Variants in PID1 observed in about 807,000 individuals in gnomAD.
PID1 encodes PTB-containing, cubilin and LRP1-interacting protein.
Under a neutral mutation model 19.1 loss-of-function variants are expected in PID1, and 10 were observed. That is an observed-to-expected ratio of 0.52 (90% CI 0.32 to 0.89). PID1 has a LOEUF of 0.89. Among genes scored for constraint, PID1 ranks in the 40% least tolerant of loss-of-function variants. The pLI is 0.03. For missense variants in PID1, 248 were observed against 285.3 expected, an observed-to-expected ratio of 0.87 and a Z score of 0.94; for synonymous variants, 130 against 116.0, an observed-to-expected ratio of 1.12 and a Z score of -0.78.
chr2:229,209,735 CAAATG>C (rs1320055591), intron 1 of PID1, among the ~76,000 whole-genome samples: 1 of 152,186 alleles, frequency 6.6e-6, no homozygotes, highest in African/African-American at 2.4e-5. Context: ...GCCCTTACTT[CAAATG>C]TAAGTGGAAT....
intron 2 of PID1, among the ~76,000 whole-genome samples, chr2:229,133,083 C>T (rs775067344): frequency 7.2e-5 from 11 of 152,078 alleles, no homozygotes; most frequent in Non-Finnish European, 1.3e-4. Context: ...TACCTGGAGA[C>T]GGATTTATTT....
chr2:229,166,604 C>T (rs764994601), intron 1 of PID1, among the ~76,000 whole-genome samples: 11 of 152,108 alleles, frequency 7.2e-5, no homozygotes, highest in East Asian at 1.9e-4. Context: ...CTAAGAGATT[C>T]CCAAGTAAAA....
chr2:229,197,066 G>A lies in PID1; in HGVS notation c.31-41102C>T, dbSNP rs572424539. Among the ~76,000 whole-genome samples, 129 of 152,086 alleles carry A rather than the reference G, an allele frequency of 8.5e-4. No homozygotes were observed. In the Middle Eastern group the frequency reaches 0.01, roughly 12 times the overall value. On this transcript the variant is annotated intron_variant, in intron 1 of 2. Coordinates refer to ENST00000392055, the MANE Select transcript of PID1 (RefSeq NM_001100818.2). The stretch of plus-strand genomic sequence containing the variant: ...AAAATTTTCAATTAAACTGTAACAA[G>A]CATGCCCTTTTATGCCCCAGATAAC...
intron 1 of PID1, among the ~76,000 whole-genome samples, chr2:229,183,515 T>C (rs1269564364): frequency 6.6e-6 from 1 of 152,162 alleles, no homozygotes; most frequent in Non-Finnish European, 1.5e-5. Flanking sequence ...TCTCCTAATG[T>C]AGGTGGGATT....
At chr2:229,239,341 G>GA (rs1420102363) in intron 1 of PID1, among the ~76,000 whole-genome samples, 1 of 152,076 alleles carries the variant, frequency 6.6e-6, no homozygotes, top group Admixed American at 6.6e-5. Context: ...GGTTGAGAGG[G>GA]AAAAGAGACT....
chr2:229,172,189 C>T (rs559608265), intron 1 of PID1, among the ~76,000 whole-genome samples: 10 of 152,302 alleles, frequency 6.6e-5, no homozygotes, highest in Admixed American at 3.3e-4. Flanking sequence ...AAGGTCCAAA[C>T]ATCTGAAGAA....
intron 2 of PID1, among the ~76,000 whole-genome samples, chr2:229,125,405 C>G (rs1002515031): frequency 4.2e-5 from 6 of 144,356 alleles, no homozygotes; most frequent in African/African-American, 1.5e-4. Flanking sequence ...TTCAAGTAGC[C>G]AAAAAAAAAA....
At chr2:229,035,824 G>A (rs1275535208) in intron 2 of PID1, among the ~76,000 whole-genome samples, 3 of 152,100 alleles carry the variant, frequency 2.0e-5, no homozygotes, top group Non-Finnish European at 4.4e-5. Flanking sequence ...AAAGCAATAG[G>A]CACCCTACCA....
At chr2:229,262,808 C>T (rs1160764425) in intron 1 of PID1, 2 of 1,551,236 alleles carry the variant, frequency 1.3e-6, no homozygotes, top group African/African-American at 2.7e-5. Context: ...CTTGGCATTC[C>T]TTGGCTTATG....
rs75700589 is a variant in PID1 at position 229,162,723 on chromosome 2, T to C, written c.31-6759A>G. Among the ~76,000 whole-genome samples the C allele has an allele frequency of 1.9e-4, 29 of 152,318 alleles. No individual in the cohort carries two copies. The East Asian group carries it at 5.6e-3, about 29-fold the overall frequency. On this transcript the variant is annotated intron_variant, in intron 1 of 2. Transcript: ENST00000392055. The stretch of plus-strand genomic sequence containing the variant: ...TTATAATCATGCTTCATTTTATTAC[T>C]TTGGGGATTCGAAAGGATTAATGGA...
intron 1 of PID1, among the ~76,000 whole-genome samples, chr2:229,185,460 C>G (rs1373601203): frequency 6.6e-6 from 1 of 152,050 alleles, no homozygotes; most frequent in Non-Finnish European, 1.5e-5. Context: ...AAAGACATAC[C>G]CAAGACTGGA....
chr2:229,234,729 T>A (rs749490380), intron 1 of PID1, among the ~76,000 whole-genome samples: 1 of 152,142 alleles, frequency 6.6e-6, no homozygotes, highest in African/African-American at 2.4e-5. Flanking sequence ...AATATACCCA[T>A]CTCTTTAACT....
chr2:229,166,645 C>A (rs910835752), intron 1 of PID1, among the ~76,000 whole-genome samples: 5 of 152,144 alleles, frequency 3.3e-5, no homozygotes, highest in African/African-American at 9.7e-5. Flanking sequence ...AATCTCCATG[C>A]TGACTTTGAA....
chr2:229,069,139 G>GTT (rs71412190), intron 2 of PID1, among the ~76,000 whole-genome samples: 1 of 144,002 alleles, frequency 6.9e-6, no homozygotes, highest in African/African-American at 2.6e-5. Context: ...AACGAGAAGG[G>GTT]TTTTTGTGTG....
intron 2 of PID1, among the ~76,000 whole-genome samples, chr2:229,134,436 G>T (rs1390679266): frequency 6.6e-6 from 1 of 150,876 alleles, no homozygotes; most frequent in Non-Finnish European, 1.5e-5. Flanking sequence ...TAGAGACAGG[G>T]TTTCACTATG....
At chr2:229,055,459 A>G (rs552004692) in intron 2 of PID1, among the ~76,000 whole-genome samples, 4 of 152,328 alleles carry the variant, frequency 2.6e-5, no homozygotes, top group African/African-American at 9.6e-5. Context: ...TAAGCAGAGG[A>G]AAAAATACTG....
At chr2:229,115,516 A>G (rs180684570) in intron 2 of PID1, among the ~76,000 whole-genome samples, 7 of 152,268 alleles carry the variant, frequency 4.6e-5, no homozygotes, top group Admixed American at 2.6e-4. Context: ...AATTTACTGT[A>G]AACTACACAT....
At chr2:229,029,318 C>T (rs1397326876) in intron 2 of PID1, among the ~76,000 whole-genome samples, 2 of 107,786 alleles carry the variant, frequency 1.9e-5, no homozygotes, top group Non-Finnish European at 3.9e-5. Flanking sequence ...TTTTTGAAGC[C>T]AAAAAAAAAA....
intron 2 of PID1, among the ~76,000 whole-genome samples, chr2:229,042,028 T>C (rs567631474): frequency 6.6e-6 from 1 of 152,304 alleles, no homozygotes; most frequent in African/African-American, 2.4e-5. Flanking sequence ...AATAGTATTG[T>C]ATAAATGTCA....
Sources: allele counts gnomAD v4.1 joint callset (sites outside exome capture counted in the v4.1 genomes callset), GRCh38; gene constraint gnomAD v4.1.1; transcripts MANE v1.5; gene names NCBI Gene and HGNC (gene_info 2026-07-23, HGNC 2026-07-21).